The following PLCD3 variants were observed in gnomAD, a reference collection of about 807,000 sequenced individuals.
PLCD3 encodes the protein 1-phosphatidylinositol 4,5-bisphosphate phosphodiesterase delta-3.
Under a neutral mutation model 82.8 loss-of-function variants are expected in PLCD3, and 62 were observed. The ratio of observed to expected loss-of-function variants is 0.75; its 90% CI spans 0.61 to 0.93. PLCD3 has a LOEUF of 0.93. Among genes scored for constraint, PLCD3 ranks in the 40% least tolerant of loss-of-function variants. The probability of loss-of-function intolerance (pLI) is 0.00; values close to 1 mark genes in which losing one functional copy is unlikely to be tolerated. For missense variants in PLCD3, 1,023 were observed against 1,103.4 expected, an observed-to-expected ratio of 0.93 and a Z score of 1.03; for synonymous variants, 478 against 471.8, an observed-to-expected ratio of 1.01 and a Z score of -0.17.
chr17:45,118,441 G>A lies in PLCD3; in HGVS notation c.965C>T (p.Ser322Leu), dbSNP rs746497178. 3.1e-6 allele frequency: 5 copies of A among 1,613,994 alleles called. No individual in the cohort carries two copies. The highest frequency in any genetic ancestry group is 1.1e-5 in the South Asian group (1 of 91,088). Residue 322 changes from serine to leucine, a missense_variant, in exon 6 of 15, where the codon TCG becomes TTG. By Grantham distance (145) the Ser-to-Leu change is moderately radical (BLOSUM62 -2). This residue lies in a region of PLCD3 where 553 missense variants were observed against 655.7 expected (regional missense o/e 0.84). Coordinates refer to ENST00000619929, the MANE Select transcript of PLCD3 (RefSeq NM_133373.5). This position sits in a 1 kb window ranked among gnomAD's most constrained non-coding sequence, Gnocchi z 4.1. ...GTTGTCCAAGGCAGCCCCCTCCGGC[G>A]ACAACAGGTACATCATGAAGCCATC... The part of the protein sequence containing the change: ...TLDGFMMYLL[S>L]PEGAALDNTH...
rs1446963599 is a variant in PLCD3, at chr17:45,120,913, C to T, written c.543G>A (p.Glu181=). The change falls in exon 3 of 15, where the codon GAG becomes GAA. Residue 181 remains glutamate (E), a synonymous_variant. Transcript: ENST00000619929. ...CCCCGGCAGGATATTGGTCTAGCCG[C>T]TCGCGCTGGCTCATGGCGTCCAGGC... ...RARLDAMSQR[E]RLDHWIHSYL... The T allele has an allele frequency of 1.9e-5, 27 of 1,440,450 alleles. No homozygotes were observed. Among genetic ancestry groups the T allele is most frequent in the Non-Finnish European group, 2.3e-5 (25 of 1,103,372 alleles). The allele number at this position is 1,440,450 out of a possible 1,614,324, so 89.2% of individuals were successfully genotyped here.
chr17:45,125,708 A>G (rs1354921784), intron 1 of PLCD3, among the ~76,000 whole-genome samples: 1 of 152,268 alleles, frequency 6.6e-6, no homozygotes, highest in Non-Finnish European at 1.5e-5. Flanking sequence ...AAGGAGTGAA[A>G]TCTGATGCAC....
At position 45,113,478 on chromosome 17, in the gene PLCD3, G is replaced by A. The variant is rs734921; in HGVS notation, c.1956C>T (p.Pro652=). Residue 652 remains proline (P), a synonymous_variant, in exon 12 of 15, where the codon CCC becomes CCT. Coordinates refer to ENST00000619929, the MANE Select transcript of PLCD3 (RefSeq NM_133373.5). ...TGGTTCTGGGAGGTCCTGGGTACTC[G>A]GGGTCAAAGGTCGAGTCAGGTTGCC... The part of the protein sequence containing the change: ...CLRQPDSTFD[P]EYPGPPRTTL... 63,862 of 1,594,614 alleles carry A rather than the reference G, an allele frequency of 0.04. 1,480 individuals carry two copies. The highest frequency in any genetic ancestry group is 0.054 in the Middle Eastern group (328 of 6,040).
At chr17:45,112,764 C>A in intron 14 of PLCD3, 60 bp from the exon 15 acceptor site, 1 of 1,589,058 alleles carries the variant, frequency 6.3e-7, no homozygotes, top group Non-Finnish European at 8.6e-7. Flanking sequence ...TGGCCCAGCC[C>A]GGGCCTGCTT....
rs987044941 is a variant in PLCD3, at chr17:45,110,605, C to T, written c.*2011G>A. ...GTCTGGTGCTCACCTGACCCAGACC[C>T]CCCAGCCAGCCCCTGGCCAGACCTG... is the stretch of plus-strand genomic sequence containing the variant. On this transcript the variant is annotated 3_prime_UTR_variant, in exon 15 of 15. Coordinates refer to ENST00000619929, the MANE Select transcript of PLCD3 (RefSeq NM_133373.5). The T allele has an allele frequency of 1.3e-5, 2 of 152,212 alleles. No homozygotes were observed. Among genetic ancestry groups the T allele is most frequent in the East Asian group, 1.9e-4 (1 of 5,186 alleles). The allele number at this position is 152,212 out of a possible 1,614,324, so 9.4% of individuals were successfully genotyped here.
Position 45,113,130 on chromosome 17 carries a change from A to C in PLCD3, c.2123T>G (p.Leu708Arg). The C allele has an allele frequency of 1.2e-6, 2 of 1,613,504 alleles. No individual in the cohort carries two copies. Among genetic ancestry groups the C allele is most frequent in the Non-Finnish European group, 1.7e-6 (2 of 1,179,748 alleles). ...CGCCAGTGGCTGCCCACCATTGTTG[A>C]GCACGTAGTCAGTCTCCTGCCGGGC... ...DCARQETDYV[L>R]NNGFNPRWGQ... Residue 708 changes from leucine to arginine, a missense_variant, in exon 13 of 15, where the codon CTC (leucine) becomes CGC (arginine). This residue lies in a region of PLCD3 where 553 missense variants were observed against 655.7 expected (regional missense o/e 0.84). Coordinates refer to ENST00000619929, the MANE Select transcript of PLCD3 (RefSeq NM_133373.5).
At chr17:45,115,316 T>TTCCCCCCCCCCC in intron 9 of PLCD3, 28 bp downstream of exon 9, 1 of 1,474,952 alleles carries the variant, frequency 6.8e-7, no homozygotes. Context: ...TTCCCCCCCT[T>TTCCCCCCCCCCC]CCCCACCCCA....
chr17:45,132,489 C>T lies in PLCD3; in HGVS notation c.-79G>A. 2 of 858,646 alleles carry T rather than the reference C, an allele frequency of 2.3e-6. No individual in the cohort carries two copies. The highest frequency in any genetic ancestry group is 2.9e-6 in the Non-Finnish European group (2 of 692,778). The allele number at this position is 858,646 out of a possible 1,614,324, so 53.2% of individuals were successfully genotyped here. A position where few individuals can be genotyped will look rare whatever the true frequency, so the allele number is the denominator to read the frequency against. ...GCGGGGCGCCGCTCTGGCCCGGCCC[C>T]GGCTCTGAGCGAGGCGGCGAGCGAA... On this transcript the variant is annotated 5_prime_UTR_variant, in exon 1 of 15. Transcript: ENST00000619929. The surrounding 1 kb of genome is among the most constrained non-coding windows in gnomAD (Gnocchi z 4.6).
intron 11 of PLCD3, among the ~76,000 whole-genome samples, 189 bp downstream of exon 11, chr17:45,114,061 C>T (rs573113083): frequency 1.3e-5 from 2 of 152,226 alleles, no homozygotes; most frequent in East Asian, 1.9e-4. Flanking sequence ...GATAAAAATG[C>T]GAGACCTGTA....
At position 45,112,567 on chromosome 17, in the gene PLCD3, G is replaced by A. The variant is rs560138552; in HGVS notation, c.*49C>T. The stretch of plus-strand genomic sequence containing the variant: ...TCCAGAGGAGGAGAGGGCTCTGCAG[G>A]GGATGTGGACTGGCACTCGCAGAAC... On this transcript the variant is annotated 3_prime_UTR_variant, in exon 15 of 15. Coordinates refer to ENST00000619929, the MANE Select transcript of PLCD3 (RefSeq NM_133373.5). 17 of 1,515,676 alleles carry A rather than the reference G, an allele frequency of 1.1e-5. No homozygotes were observed. In the African/African-American group the frequency reaches 2.1e-4, roughly 18 times the overall value. 93.9% of individuals were successfully genotyped at this position (1,515,676 alleles called of 1,614,324 possible).
chr17:45,115,392 A>ATCCTCC lies in PLCD3; in HGVS notation c.1506_1511dup (p.Glu502_Glu503dup), dbSNP rs757902197. On this transcript the variant is annotated inframe_insertion, in exon 9 of 15. Transcript: ENST00000619929. ...CCACCTCCTCTTCTTCCTCCTCGTC[A>ATCCTCC]TCCTCCTCCTCCTCCTCCCGATCCG... The ATCCTCC allele has an allele frequency of 1.8e-5, 28 of 1,591,964 alleles. No individual in the cohort carries two copies. The highest frequency in any genetic ancestry group is 3.4e-5 in the South Asian group (3 of 88,860).
intron 4 of PLCD3, 95 bp from the exon 5 acceptor site, chr17:45,119,138 T>A: frequency 1.1e-6 from 1 of 917,638 alleles, no homozygotes; most frequent in Non-Finnish European, 1.6e-6. Context: ...GAGAAGGCAA[T>A]GGTCCCCATT....
chr17:45,117,104 C>T (rs956017861), intron 7 of PLCD3, among the ~76,000 whole-genome samples: 11 of 152,202 alleles, frequency 7.2e-5, no homozygotes, highest in Admixed American at 6.5e-4. Flanking sequence ...GCCACCACAC[C>T]CGGCTAATTT....
chr17:45,115,160 C>A lies in PLCD3; in HGVS notation c.1645G>T (p.Ala549Ser). The A allele has an allele frequency of 6.3e-7, 1 of 1,598,114 alleles. No homozygotes were observed. The highest frequency in any genetic ancestry group is 8.5e-7 in the Non-Finnish European group (1 of 1,172,534). Residue 549 changes from alanine (A) to serine (S), a missense_variant, in exon 10 of 15, where the codon GCC becomes TCC. Coordinates refer to ENST00000619929, the MANE Select transcript of PLCD3 (RefSeq NM_133373.5). ...GAGCTGACCTGGCAGGGTTGTGGGG[C>A]GTTGGGGGCAGGGTGCAGGGTCCGC... Reference protein sequence around the residue: ...RLRTLHPAPNAPQPCQVSSLS... With the variant: ...RLRTLHPAPNSPQPCQVSSLS...
intron 11 of PLCD3, 147 bp downstream of exon 11, chr17:45,114,103 T>C: frequency 1.6e-6 from 1 of 619,804 alleles, no homozygotes; most frequent in Non-Finnish European, 2.7e-6. Flanking sequence ...CTGATTTGAT[T>C]TTCCCACCTA....
chr17:45,124,951 G>A (rs1442433569), intron 1 of PLCD3, among the ~76,000 whole-genome samples: 1 of 151,948 alleles, frequency 6.6e-6, no homozygotes. Flanking sequence ...AGCACTTTGG[G>A]AGGCCAAGGC....
chr17:45,120,871 G>A lies in PLCD3; in HGVS notation c.554+31C>T, dbSNP rs567066394. 6 of 1,411,990 alleles carry A rather than the reference G, an allele frequency of 4.2e-6. No individual in the cohort carries two copies. In the Admixed American group the frequency reaches 1.9e-4, roughly 44 times the overall value. 87.5% of individuals were successfully genotyped at this position (1,411,990 alleles called of 1,614,324 possible). On this transcript the variant is annotated intron_variant, in intron 3 of 14. Transcript: ENST00000619929. ...TCCAAGGTTAGGGCTCTCCAAGGATGGGGCCCTCCCTCCCAGCCCCGGCAG... is the reference window on the plus strand; with the variant it reads ...TCCAAGGTTAGGGCTCTCCAAGGATAGGGCCCTCCCTCCCAGCCCCGGCAG...
intron 1 of PLCD3, among the ~76,000 whole-genome samples, chr17:45,127,976 C>T (rs536414399): frequency 3.6e-4 from 55 of 152,102 alleles, no homozygotes; most frequent in Non-Finnish European, 7.2e-4. Context: ...CAAGGCCGAG[C>T]AGGGAGTAGA....
chr17:45,120,821 TG>T, intron 3 of PLCD3, 80 bp downstream of exon 3: 1 of 1,366,932 alleles, frequency 7.3e-7, no homozygotes, highest in Non-Finnish European at 9.5e-7. Flanking sequence ...TCCCTGGGCG[TG>T]GGGGCTCTCC....
Sources: gnomAD v4.1 joint callset for allele counts (sites outside exome capture counted in the v4.1 genomes callset) on GRCh38, gnomAD v4.1.1 for gene constraint, gnomAD v4.1.1 regional missense constraint, Gnocchi (gnomAD v3.1) non-coding constraint, MANE v1.5 for transcripts, NCBI Gene and HGNC (gene_info 2026-07-23, HGNC 2026-07-21) for gene names.